USP31: variants seen among roughly 807,000 people sequenced by gnomAD.
USP31 encodes ubiquitin carboxyl-terminal hydrolase 31.
A neutral mutation model predicts 119.4 loss-of-function variants in USP31; 44 were observed. That is an observed-to-expected ratio of 0.37 (90% CI 0.29 to 0.47). USP31 has a LOEUF of 0.47. Ranked by LOEUF, USP31 falls within the 20% of genes least tolerant of loss-of-function variation. The pLI, the probability that USP31 is intolerant of heterozygous loss-of-function variation, is 0.99. For missense variants in USP31, 1,643 were observed against 1,730.2 expected (o/e 0.95, Z 0.89); for synonymous variants, 749 against 705.6 (o/e 1.06, Z -0.97).
At chr16:23,094,182 C>G (rs1901498274) in intron 6 of USP31, among the ~76,000 whole-genome samples, 1 of 152,186 alleles carries the variant, frequency 6.6e-6, no homozygotes, top group Non-Finnish European at 1.5e-5. Context: ...AACCGGCAGA[C>G]AAGGAGATTC....
At chr16:23,128,877 GGAACAT>G (rs1315719777) in intron 1 of USP31, among the ~76,000 whole-genome samples, 3 of 152,260 alleles carry the variant, frequency 2.0e-5, no homozygotes, top group African/African-American at 7.2e-5. Context: ...CATGGACAGA[GGAACAT>G]CTTAATTGAA....
chr16:23,068,550 T>A lies in USP31; in HGVS notation c.3555A>T (p.Arg1185=). Residue 1185 remains arginine, a synonymous_variant, in exon 16 of 16, where the codon CGA becomes CGT. Coordinates refer to ENST00000219689, the MANE Select transcript of USP31 (RefSeq NM_020718.4). The part of the protein sequence containing the change: ...KPNSPRVSQA[R]AGEGRGAGKH... ...TCCCGGCCCCCCTGCCCTCCCCTGC[T>A]CGGGCCTGGCTCACCCGAGGGGAAT... The A allele has an allele frequency of 6.2e-7, 1 of 1,613,976 alleles. No homozygotes were observed. Among genetic ancestry groups the A allele is most frequent in the Non-Finnish European group, 8.5e-7 (1 of 1,179,962 alleles).
At chr16:23,082,882 G>A (rs1007262513) in intron 11 of USP31, among the ~76,000 whole-genome samples, 1 of 139,024 alleles carries the variant, frequency 7.2e-6, no homozygotes, top group Admixed American at 8.2e-5. Flanking sequence ...CCAGGCTGGA[G>A]TACAGTGGTG....
chr16:23,073,388 G>A (rs1225275442), intron 14 of USP31, among the ~76,000 whole-genome samples: 1 of 152,144 alleles, frequency 6.6e-6, no homozygotes, highest in Non-Finnish European at 1.5e-5. Flanking sequence ...TGGCCCAGAT[G>A]GGACAGGCTC....
intron 1 of USP31, among the ~76,000 whole-genome samples, chr16:23,146,034 G>A (rs1360463103): frequency 6.6e-6 from 1 of 152,106 alleles, no homozygotes; most frequent in Non-Finnish European, 1.5e-5. Flanking sequence ...ACCCATTTCT[G>A]TTCACAGCTT....
chr16:23,134,423 CA>C (rs1300682342), intron 1 of USP31, among the ~76,000 whole-genome samples: 1 of 152,082 alleles, frequency 6.6e-6, no homozygotes, highest in Non-Finnish European at 1.5e-5. Context: ...CATTTGTTTT[CA>C]AAACAGCCTT....
In USP31 at chr16:23,123,202, G is replaced by A. The variant is rs114964525; in HGVS notation, c.634-15019C>T. ...ATAATACATCAAGCTGTACACTAAC[G>A]CCATATATATTTTTCTGTATGTATG... On this transcript the variant is annotated intron_variant, in intron 1 of 15. Transcript: ENST00000219689. 4.0e-3 allele frequency among the ~76,000 whole-genome samples: 608 copies of A among 152,210 alleles called. 7 individuals are homozygous for A. The highest frequency in any genetic ancestry group is 0.013 in the African/African-American group (553 of 41,518).
chr16:23,107,710 A>C (rs1007956293), intron 2 of USP31, among the ~76,000 whole-genome samples: 18 of 152,242 alleles, frequency 1.2e-4, no homozygotes, highest in African/African-American at 4.1e-4. Context: ...AGTGAACTAC[A>C]GAGTATGTGT....
Position 23,093,369 on chromosome 16 carries a change from A to C in USP31, c.1235-2565T>G, listed in dbSNP as rs370411444. The stretch of plus-strand genomic sequence containing the variant: ...AGATAATGCAATTTAAAATGGGAAA[A>C]AGGCTTGAATAGACATTTCTCCAAA... On this transcript the variant is annotated intron_variant, in intron 6 of 15. Coordinates refer to ENST00000219689, the MANE Select transcript of USP31 (RefSeq NM_020718.4). 1.4e-4 allele frequency among the ~76,000 whole-genome samples: 21 copies of C among 152,326 alleles called. No homozygotes were observed. The East Asian group carries it at 2.9e-3, about 21-fold the overall frequency.
intron 1 of USP31, among the ~76,000 whole-genome samples, chr16:23,110,126 G>C (rs551072276): frequency 6.6e-6 from 1 of 152,302 alleles, no homozygotes; most frequent in South Asian, 2.1e-4. Context: ...AAGGGAAACT[G>C]AGTTGGGCTT....
chr16:23,072,351 C>G, intron 14 of USP31, 154 bp from the exon 15 acceptor site: 1 of 998,400 alleles, frequency 1.0e-6, no homozygotes, highest in South Asian at 1.4e-5. Flanking sequence ...TGTGTCATGT[C>G]GTGCCTGTCC....
At chr16:23,101,218 A>T (rs1901839435) in intron 6 of USP31, among the ~76,000 whole-genome samples, 1 of 152,208 alleles carries the variant, frequency 6.6e-6, no homozygotes, top group Non-Finnish European at 1.5e-5. Flanking sequence ...CGTCAGTGGC[A>T]GTAGAATAAA....
At chr16:23,130,366 A>G (rs1325983256) in intron 1 of USP31, among the ~76,000 whole-genome samples, 1 of 152,018 alleles carries the variant, frequency 6.6e-6, no homozygotes, top group Non-Finnish European at 1.5e-5. Flanking sequence ...TGGGAGTATC[A>G]CTTGAGGCCA....
chr16:23,118,730 T>C (rs565287655), intron 1 of USP31, among the ~76,000 whole-genome samples: 1 of 152,182 alleles, frequency 6.6e-6, no homozygotes, highest in Non-Finnish European at 1.5e-5. Flanking sequence ...GTGCAAAGGG[T>C]AACAATAACA....
chr16:23,117,354 C>G (rs1902521445), intron 1 of USP31, among the ~76,000 whole-genome samples: 2 of 152,178 alleles, frequency 1.3e-5, no homozygotes, highest in Non-Finnish European at 2.9e-5. Context: ...CCACAAAGAG[C>G]TGGTGGCAAG....
rs1458924044 is a variant in USP31 at position 23,072,601 on chromosome 16, A to G, written c.2336-404T>C. The G allele has an allele frequency of 8.1e-6, 4 of 491,956 alleles. No individual in the cohort carries two copies. The Admixed American group carries it at 1.5e-4, about 18-fold the overall frequency. 30.5% of individuals were successfully genotyped at this position (491,956 alleles called of 1,614,324 possible). ...AATATTTCTTACACAAAGAGAAGAGAGGATGCGGCAGTATACTCTTTTTCT... is the reference window on the plus strand; with the variant it reads ...AATATTTCTTACACAAAGAGAAGAGGGGATGCGGCAGTATACTCTTTTTCT... On this transcript the variant is annotated intron_variant, in intron 14 of 15. Coordinates refer to ENST00000219689, the MANE Select transcript of USP31 (RefSeq NM_020718.4).
chr16:23,110,654 G>A (rs770022461), intron 1 of USP31, among the ~76,000 whole-genome samples: 6 of 152,164 alleles, frequency 3.9e-5, no homozygotes, highest in Non-Finnish European at 7.3e-5. Context: ...TACAGCCTGA[G>A]TTCAGATCTC....
At chr16:23,132,550 A>G (rs1409286300) in intron 1 of USP31, among the ~76,000 whole-genome samples, 1 of 152,200 alleles carries the variant, frequency 6.6e-6, no homozygotes. Context: ...CACACAAAGG[A>G]AGACATAAAA....
chr16:23,134,891 TACACAC>T (rs10580256), intron 1 of USP31, among the ~76,000 whole-genome samples: 2,790 of 149,802 alleles, frequency 0.019, 54 homozygotes, highest in African/African-American at 0.045. Flanking sequence ...TGTTACCTTA[TACACAC>T]ACACACACAC....
Sources: gnomAD v4.1 joint callset for allele counts (sites outside exome capture counted in the v4.1 genomes callset) on GRCh38, gnomAD v4.1.1 for gene constraint, MANE v1.5 for transcripts, NCBI Gene and HGNC (gene_info 2026-07-23, HGNC 2026-07-21) for gene names.